The following PLGRKT variants were observed in gnomAD, a reference collection of about 807,000 sequenced individuals.
PLGRKT encodes the protein plasminogen receptor (KT).
PLGRKT carries 22 observed loss-of-function variants against 18.5 expected under a neutral mutation model. The observed-to-expected ratio is 1.19, with a 90% CI of 0.85 to 1.70. The LOEUF (loss-of-function observed/expected upper bound fraction) is 1.70, where lower values mean the gene tolerates loss of function less well. Ranked by LOEUF, PLGRKT falls within the 40% of genes most tolerant of loss-of-function variation. The probability of loss-of-function intolerance (pLI) is 0.00; values close to 1 mark genes in which losing one functional copy is unlikely to be tolerated. For synonymous variants in PLGRKT, 72 were observed against 52.8 expected (o/e 1.36, Z -1.58); for missense variants, 235 against 174.4 (o/e 1.35, Z -1.96).
chr9:5,429,975 A>ACC (rs1294839872), intron 3 of PLGRKT, among the ~76,000 whole-genome samples: 4 of 151,720 alleles, frequency 2.6e-5, no homozygotes, highest in African/African-American at 9.7e-5. Context: ...GCCACAACCC[A>ACC]CCCCTTGCTC....
At chr9:5,421,869 G>A (rs905965598) in intron 3 of PLGRKT, among the ~76,000 whole-genome samples, 1 of 152,126 alleles carries the variant, frequency 6.6e-6, no homozygotes, top group Non-Finnish European at 1.5e-5. Flanking sequence ...AGCCAAAGAT[G>A]GGATAACTTG....
In PLGRKT at chr9:5,418,535, C is replaced by A. The variant is rs530559348; in HGVS notation, c.81+13362G>T. ...CTGTCCTGCTCCTCCTCCGCCACCC[C>A]CTGGGGAGCCCTGCCTTGCAGAGGC... On this transcript the variant is annotated intron_variant, in intron 3 of 5. Transcript: ENST00000223864. This position sits in a 1 kb window ranked among gnomAD's most constrained non-coding sequence, Gnocchi z 4.2. The A allele has an allele frequency of 2.2e-4, 197 of 897,748 alleles. No homozygotes were observed. In the African/African-American group the frequency reaches 2.9e-3, roughly 13 times the overall value. The allele number at this position is 897,748 out of a possible 1,614,324, so 55.6% of individuals were successfully genotyped here.
chr9:5,367,713 T>G (rs984570929), intron 3 of PLGRKT, among the ~76,000 whole-genome samples: 1 of 152,028 alleles, frequency 6.6e-6, no homozygotes, highest in African/African-American at 2.4e-5. Context: ...TCAAAAGCAA[T>G]GACAACAAAA....
At chr9:5,389,857 G>T (rs1246879579) in intron 3 of PLGRKT, among the ~76,000 whole-genome samples, 1 of 151,876 alleles carries the variant, frequency 6.6e-6, no homozygotes, top group African/African-American at 2.4e-5. Context: ...CTTCATTGAA[G>T]GACAACACCT....
At chr9:5,396,423 C>T (rs1406915924) in intron 3 of PLGRKT, among the ~76,000 whole-genome samples, 6 of 151,418 alleles carry the variant, frequency 4.0e-5, no homozygotes, top group African/African-American at 9.8e-5. Context: ...GTAGCTGGCA[C>T]TACAGGCATG....
At chr9:5,378,314 T>C (rs183769987) in intron 3 of PLGRKT, among the ~76,000 whole-genome samples, 1 of 152,310 alleles carries the variant, frequency 6.6e-6, no homozygotes, top group Non-Finnish European at 1.5e-5. Context: ...CCCAGATGTA[T>C]CTCTGAAGGG....
Position 5,393,325 on chromosome 9 carries a change from T to C in PLGRKT, c.82-31437A>G, listed in dbSNP as rs116536263. Among the ~76,000 whole-genome samples, 644 of 152,024 alleles carry C rather than the reference T, an allele frequency of 4.2e-3. 16 individuals carry two copies. Among genetic ancestry groups the C allele is most frequent in the African/African-American group, 0.015 (624 of 41,292 alleles). Reference sequence around the variant, plus strand: ...GAACATCTTGTAATAATATGAAATATATTTAAAAGCCTTCTACTTCCTACA... The same window carrying C: ...GAACATCTTGTAATAATATGAAATACATTTAAAAGCCTTCTACTTCCTACA... On this transcript the variant is annotated intron_variant, in intron 3 of 5. Coordinates refer to ENST00000223864, the MANE Select transcript of PLGRKT (RefSeq NM_018465.4).
chr9:5,421,925 C>T (rs1818583029), intron 3 of PLGRKT, among the ~76,000 whole-genome samples: 1 of 152,148 alleles, frequency 6.6e-6, no homozygotes, highest in Admixed American at 6.5e-5. Flanking sequence ...TTTATAGTCA[C>T]AATATACAAA....
chr9:5,394,251 T>C (rs1818002910), intron 3 of PLGRKT, among the ~76,000 whole-genome samples: 1 of 151,654 alleles, frequency 6.6e-6, no homozygotes, highest in Non-Finnish European at 1.5e-5. Flanking sequence ...GAACTGAGGG[T>C]GAGCAGGGAA....
At chr9:5,410,322 G>A (rs1248267969) in intron 3 of PLGRKT, among the ~76,000 whole-genome samples, 1 of 152,002 alleles carries the variant, frequency 6.6e-6, no homozygotes. Flanking sequence ...GATCACTTGA[G>A]GTCAGGAGTT....
At chr9:5,391,998 G>C (rs1817958191) in intron 3 of PLGRKT, among the ~76,000 whole-genome samples, 1 of 151,808 alleles carries the variant, frequency 6.6e-6, no homozygotes, top group Admixed American at 6.6e-5. Context: ...GTCTGGCCTG[G>C]GCAACACTAA....
chr9:5,373,115 A>C (rs1817559483), intron 3 of PLGRKT, among the ~76,000 whole-genome samples: 1 of 152,244 alleles, frequency 6.6e-6, no homozygotes, highest in South Asian at 2.1e-4. Flanking sequence ...AAGAATTTAA[A>C]AAAGGCACAT....
At chr9:5,423,100 G>C (rs1354199069) in intron 3 of PLGRKT, among the ~76,000 whole-genome samples, 1 of 152,116 alleles carries the variant, frequency 6.6e-6, no homozygotes, top group Non-Finnish European at 1.5e-5. Context: ...CTGGCACTTA[G>C]AAAACATTTG....
rs778451832 is a variant in PLGRKT, at chr9:5,386,603, G to A, written c.82-24715C>T. On this transcript the variant is annotated intron_variant, in intron 3 of 5. Transcript: ENST00000223864. The stretch of plus-strand genomic sequence containing the variant: ...ATATAATCAACACAGGCACTATAGA[G>A]GCCAAAGAGAAATGTGACTCTGCTC... Among the ~76,000 whole-genome samples, 143 of 151,948 alleles carry A rather than the reference G, an allele frequency of 9.4e-4. 1 individual carries two copies. The Middle Eastern group carries it at 0.01, about 11-fold the overall frequency.
At chr9:5,379,136 A>AATAT (rs1184887943) in intron 3 of PLGRKT, among the ~76,000 whole-genome samples, 1 of 152,194 alleles carries the variant, frequency 6.6e-6, no homozygotes, top group Non-Finnish European at 1.5e-5. Flanking sequence ...AGAATGGTTG[A>AATAT]ATATATAATC....
rs146900175 is a variant in PLGRKT, at chr9:5,412,301, C to G, written c.81+19596G>C. ...CTCATATCATATATGAGAATAAACC[C>G]CAAATGGATTTGGAATCTAAATGTC... On this transcript the variant is annotated intron_variant, in intron 3 of 5. Coordinates refer to ENST00000223864, the MANE Select transcript of PLGRKT (RefSeq NM_018465.4). Among the ~76,000 whole-genome samples, 6 of 152,162 alleles carry G rather than the reference C, an allele frequency of 3.9e-5. No homozygotes were observed. In the East Asian group the frequency reaches 1.2e-3, roughly 29 times the overall value.
At chr9:5,413,935 T>A (rs979964745) in intron 3 of PLGRKT, among the ~76,000 whole-genome samples, 2 of 152,144 alleles carry the variant, frequency 1.3e-5, no homozygotes, top group African/African-American at 2.4e-5. Context: ...AAATGCAAAG[T>A]AAACAATGTA....
chr9:5,403,753 T>G (rs895719721), intron 3 of PLGRKT, among the ~76,000 whole-genome samples: 2 of 152,218 alleles, frequency 1.3e-5, no homozygotes, highest in African/African-American at 4.8e-5. Flanking sequence ...CAAAATGGTG[T>G]GCTTATTAAT....
intron 3 of PLGRKT, among the ~76,000 whole-genome samples, chr9:5,417,641 A>AAT (rs1016192190): frequency 6.7e-6 from 1 of 148,612 alleles, no homozygotes; most frequent in Non-Finnish European, 1.5e-5. Context: ...TAGTATCCAT[A>AAT]ATATGTAAAG....
Sources: allele counts gnomAD v4.1 joint callset (sites outside exome capture counted in the v4.1 genomes callset), GRCh38; gene constraint gnomAD v4.1.1; non-coding constraint Gnocchi (gnomAD v3.1); transcripts MANE v1.5; gene names NCBI Gene and HGNC (gene_info 2026-07-23, HGNC 2026-07-21).